ZNF337: variants seen among roughly 807,000 people sequenced by gnomAD.
The protein encoded by ZNF337 is zinc finger protein 337.
ZNF337 carries 8 observed loss-of-function variants against 12.1 expected under a neutral mutation model. The ratio of observed to expected loss-of-function variants is 0.66; its 90% CI spans 0.39 to 1.19. The LOEUF (loss-of-function observed/expected upper bound fraction) is 1.19, where lower values mean the gene tolerates loss of function less well. Among genes scored for constraint, ZNF337 ranks in the 50% most tolerant of loss-of-function variants. The pLI is 0.01. For missense variants in ZNF337, 882 were observed against 896.6 expected (o/e 0.98, Z 0.21); for synonymous variants, 336 against 320.0 (o/e 1.05, Z -0.53).
In ZNF337 at chr20:25,685,979, AG is replaced by A. The variant is rs778429922; in HGVS notation, c.154+16del. 4.4e-6 allele frequency: 7 copies of A among 1,601,624 alleles called. No individual in the cohort carries two copies. The highest frequency in any genetic ancestry group is 2.2e-5 in the South Asian group (2 of 89,350). On this transcript the variant is annotated intron_variant, in intron 3 of 4. Coordinates refer to ENST00000252979, the MANE Select transcript of ZNF337 (RefSeq NM_015655.4). ...CACCACAGGCCAAATGTTAGGCTCG[AG>A]GGAAGCCACGCTTACCTAGTGAGAC... is the stretch of plus-strand genomic sequence containing the variant.
intron 1 of ZNF337, among the ~76,000 whole-genome samples, chr20:25,691,397 A>T (rs2065881360): frequency 1.3e-5 from 2 of 152,200 alleles, no homozygotes. Context: ...AAAACTTCAA[A>T]ATTTGAAGAC....
chr20:25,677,013 C>A lies in ZNF337; in HGVS notation c.275G>T (p.Arg92Leu), dbSNP rs182272160. The change falls in exon 5 of 5, where the codon CGG becomes CTG. Residue 92 changes from arginine (R) to leucine (L), a missense_variant. By Grantham distance (102) the Arg-to-Leu change is moderately radical. Coordinates refer to ENST00000252979, the MANE Select transcript of ZNF337 (RefSeq NM_015655.4). ...ATGTGCAAGTCCAAGATTCTTGGGC[C>A]GCAGGACATGTTCTGCATATATTCC... is the stretch of plus-strand genomic sequence containing the variant. ...CAGIYAEHVLRPKNLGLAHQR... is the reference protein window; with the variant it reads ...CAGIYAEHVLLPKNLGLAHQR... 6.2e-7 allele frequency: 1 copy of A among 1,611,884 alleles called. No individual in the cohort carries two copies. Among genetic ancestry groups the A allele is most frequent in the Non-Finnish European group, 8.5e-7 (1 of 1,179,158 alleles).
At chr20:25,692,747 A>G (rs1282087112) in intron 1 of ZNF337, among the ~76,000 whole-genome samples, 46 of 152,178 alleles carry the variant, frequency 3.0e-4, no homozygotes, top group Admixed American at 2.6e-3. Context: ...TGAGAGCCGT[A>G]AGAAAGTGGT....
At chr20:25,691,860 TAC>T (rs1950815339) in intron 1 of ZNF337, among the ~76,000 whole-genome samples, 1 of 152,232 alleles carries the variant, frequency 6.6e-6, no homozygotes, top group South Asian at 2.1e-4. Flanking sequence ...TTACTGGAGA[TAC>T]AGTCCACGTC....
rs1020699196 is a variant in ZNF337 at position 25,696,850 on chromosome 20, C to T, written c.-141G>A. The T allele has an allele frequency of 7.1e-6, 7 of 984,068 alleles. No individual in the cohort carries two copies. Among genetic ancestry groups the T allele is most frequent in the African/African-American group, 1.7e-5 (1 of 57,216 alleles). The allele number at this position is 984,068 out of a possible 1,614,324, so 61.0% of individuals were successfully genotyped here. On this transcript the variant is annotated 5_prime_UTR_variant, in exon 1 of 5. Coordinates refer to ENST00000252979, the MANE Select transcript of ZNF337 (RefSeq NM_015655.4). Reference sequence around the variant, plus strand: ...CTGACGCCCAGGGATCTGGAACGCTCTGCGCCGCCCGGGACTACACTACCC... The same window carrying T: ...CTGACGCCCAGGGATCTGGAACGCTTTGCGCCGCCCGGGACTACACTACCC...
chr20:25,677,514 G>A (rs2065716257), intron 4 of ZNF337: 1 of 152,576 alleles, frequency 6.6e-6, no homozygotes, highest in Non-Finnish European at 1.5e-5. Flanking sequence ...GATTTGATAT[G>A]ATTCAAAATC....
At position 25,675,991 on chromosome 20, in the gene ZNF337, C is replaced by G. The variant is rs76985980; in HGVS notation, c.1297G>C (p.Val433Leu). The G allele has an allele frequency of 5.3e-3, 8,532 of 1,613,564 alleles. 37 individuals carry two copies. The highest frequency in any genetic ancestry group is 6.3e-3 in the Non-Finnish European group (7,491 of 1,179,842). Residue 433 changes from valine (V) to leucine (L), a missense_variant, in exon 5 of 5, where the codon GTT becomes CTT. Val to Leu is a conservative substitution (Grantham distance 32, BLOSUM62 1). Transcript: ENST00000252979. ...QRTHSGEKPFVCRECGQGFIQ... is the reference protein window; with the variant it reads ...QRTHSGEKPFLCRECGQGFIQ... The stretch of plus-strand genomic sequence containing the variant: ...AATCCTTGCCCACATTCTCTACAAA[C>G]AAAAGGTTTCTCCCCTGAGTGTGTT...
intron 1 of ZNF337, among the ~76,000 whole-genome samples, chr20:25,692,303 T>A (rs908998576): frequency 2.0e-5 from 3 of 152,180 alleles, no homozygotes; most frequent in African/African-American, 4.8e-5. Flanking sequence ...CATTGCTAAT[T>A]TTGTTGAGTA....
At chr20:25,683,525 AC>A (rs745422802) in intron 4 of ZNF337, among the ~76,000 whole-genome samples, 49 of 148,346 alleles carry the variant, frequency 3.3e-4, no homozygotes, top group African/African-American at 1.1e-3. Context: ...AAAAAAAAAA[AC>A]CCCATCAAAA....
chr20:25,696,461 G>A (rs549625221), intron 1 of ZNF337, among the ~76,000 whole-genome samples: 67 of 152,268 alleles, frequency 4.4e-4, no homozygotes, highest in Middle Eastern at 3.4e-3. Flanking sequence ...AAGAGGACCT[G>A]GGTTGCTCGG....
intron 4 of ZNF337, among the ~76,000 whole-genome samples, chr20:25,682,848 A>C (rs912213886): frequency 4.6e-5 from 7 of 151,782 alleles, no homozygotes; most frequent in Non-Finnish European, 1.0e-4. Context: ...AAAAAAAAAA[A>C]CTTTATATCT....
In ZNF337 at chr20:25,686,382, A is replaced by C. The variant is rs758049022; in HGVS notation, c.27+9T>G. 1.2e-6 allele frequency: 2 copies of C among 1,612,480 alleles called. No individual in the cohort carries two copies. The highest frequency in any genetic ancestry group is 3.3e-5 in the Admixed American group (2 of 59,998). On this transcript the variant is annotated intron_variant, in intron 2 of 4. Transcript: ENST00000252979. ...TGACAGCAAGAACGACAGTTCTGGG[A>C]AGTCTCACCTGTCTCCTGGCTCCCT...
In ZNF337 at chr20:25,675,495, T is replaced by C. The variant is rs756969634; in HGVS notation, c.1793A>G (p.Lys598Arg). Residue 598 changes from lysine to arginine, a missense_variant, in exon 5 of 5, where the codon AAG (lysine) becomes AGG (arginine). Transcript: ENST00000252979. ...LFHQKTHSGE[K>R]PFICSECGQG... Reference sequence around the variant, plus strand: ...CCCACATTCACTACAGATGAAAGGCTTCTCCCCTGAGTGTGTCTTCTGGTG... The same window carrying C: ...CCCACATTCACTACAGATGAAAGGCCTCTCCCCTGAGTGTGTCTTCTGGTG... 6.2e-7 allele frequency: 1 copy of C among 1,614,242 alleles called. No homozygotes were observed. Among genetic ancestry groups the C allele is most frequent in the East Asian group, 2.2e-5 (1 of 44,888 alleles).
intron 1 of ZNF337, among the ~76,000 whole-genome samples, chr20:25,696,470 G>A (rs2065930690): frequency 6.6e-6 from 1 of 152,134 alleles, no homozygotes; most frequent in Admixed American, 6.5e-5. Context: ...TGGGTTGCTC[G>A]GCGCCCCTGT....
In ZNF337 at chr20:25,676,746, T is replaced by C. The variant is rs1044213705; in HGVS notation, c.542A>G (p.Lys181Arg). 3.7e-6 allele frequency: 6 copies of C among 1,614,132 alleles called. No homozygotes were observed. Among genetic ancestry groups the C allele is most frequent in the East Asian group, 2.2e-5 (1 of 44,904 alleles). Residue 181 changes from lysine (K) to arginine (R), a missense_variant, in exon 5 of 5, where the codon AAG (lysine) becomes AGG (arginine). Physicochemically the swap from Lys to Arg is conservative, Grantham distance 26. Coordinates refer to ENST00000252979, the MANE Select transcript of ZNF337 (RefSeq NM_015655.4). ...GAAGTCTTGCCCACGCTCTGCACAC[T>C]TGAATGCTCCCCATCTTGAATTTTC... ...GIENSRWGAF[K>R]CAERGQDFSR...
At chr20:25,678,204 T>A (rs1486357701) in intron 4 of ZNF337, 6 of 151,984 alleles carry the variant, frequency 3.9e-5, no homozygotes, top group African/African-American at 1.4e-4. Context: ...TTGCACAATA[T>A]GAAATCAGAA....
intron 4 of ZNF337, among the ~76,000 whole-genome samples, chr20:25,679,903 T>C (rs1409806310): frequency 6.6e-6 from 1 of 152,164 alleles, no homozygotes; most frequent in Non-Finnish European, 1.5e-5. Flanking sequence ...AACCTAAATG[T>C]CCATCAATGG....
intron 4 of ZNF337, among the ~76,000 whole-genome samples, chr20:25,681,960 T>C (rs1302715835): frequency 6.6e-6 from 1 of 152,174 alleles, no homozygotes; most frequent in Non-Finnish European, 1.5e-5. Flanking sequence ...CGATAAAGAA[T>C]ACGGAGCACA....
intron 1 of ZNF337, among the ~76,000 whole-genome samples, chr20:25,691,122 C>G (rs1011335803): frequency 5.9e-5 from 9 of 152,032 alleles, no homozygotes; most frequent in African/African-American, 1.9e-4. Flanking sequence ...AAAATACCAA[C>G]AGAGATTACA....
Sources: allele counts gnomAD v4.1 joint callset (sites outside exome capture counted in the v4.1 genomes callset), GRCh38; gene constraint gnomAD v4.1.1; transcripts MANE v1.5; gene names NCBI Gene and HGNC (gene_info 2026-07-23, HGNC 2026-07-21).